The following C18orf54 variants were observed in gnomAD, a reference collection of about 807,000 sequenced individuals.
The protein encoded by C18orf54 is chromosome 18 open reading frame 54.
Under a neutral mutation model 49.3 loss-of-function variants are expected in C18orf54, and 49 were observed. The ratio of observed to expected loss-of-function variants is 0.99; its 90% confidence interval spans 0.79 to 1.26. C18orf54 has a LOEUF of 1.26. Among genes scored for constraint, C18orf54 ranks in the 50% most tolerant of loss-of-function variants. The pLI, the probability that C18orf54 is intolerant of heterozygous loss-of-function variation, is 0.00. For synonymous variants in C18orf54, 211 were observed against 216.6 expected, an observed-to-expected ratio of 0.97 and a Z score of 0.23; for missense variants, 687 against 620.6, an observed-to-expected ratio of 1.11 and a Z score of -1.14.
At chr18:54,362,503 G>C in intron 4 of C18orf54, 72 bp downstream of exon 4, 1 of 1,273,020 alleles carries the variant, frequency 7.9e-7, no homozygotes, top group Non-Finnish European at 1.0e-6. Context: ...CTGTAAAGTT[G>C]ATGTGATATC....
At chr18:54,358,353 G>A (rs1281911081) in intron 1 of C18orf54, among the ~76,000 whole-genome samples, 1 of 152,248 alleles carries the variant, frequency 6.6e-6, no homozygotes, top group African/African-American at 2.4e-5. Context: ...GCGGACCTGA[G>A]GCGGCGACAG....
intron 8 of C18orf54, 41 bp downstream of exon 8, chr18:54,374,325 C>T: frequency 6.6e-7 from 1 of 1,515,282 alleles, no homozygotes; most frequent in Non-Finnish European, 8.8e-7. Flanking sequence ...TCCATCTTAG[C>T]CATTTCTTTG....
At chr18:54,368,403 T>C (rs1214532587) in intron 6 of C18orf54, among the ~76,000 whole-genome samples, 1 of 152,132 alleles carries the variant, frequency 6.6e-6, no homozygotes, top group Non-Finnish European at 1.5e-5. Flanking sequence ...CAGTCACTTA[T>C]TTTGTAGAGG....
intron 6 of C18orf54, among the ~76,000 whole-genome samples, chr18:54,370,942 GT>G (rs35364198): frequency 0.2 from 29,058 of 143,836 alleles, 3,331 homozygotes; most frequent in East Asian, 0.29. Flanking sequence ...CTTTTACCCT[GT>G]TTTTTTTTTT....
rs1372875317 is a variant in C18orf54 at position 54,378,437 on chromosome 18, A to G, written c.*191A>G. On this transcript the variant is annotated 3_prime_UTR_variant, in exon 9 of 9. Coordinates refer to ENST00000620105, the MANE Select transcript of C18orf54 (RefSeq NM_001288980.2). ...TGGGACCTATCTTTATTTTGTGCCA[A>G]CATACTAGAATGTGAACTGCAAGGA... 4.4e-6 allele frequency: 2 copies of G among 458,108 alleles called. No homozygotes were observed. The highest frequency in any genetic ancestry group is 2.0e-5 in the African/African-American group (1 of 50,208). The allele number at this position is 458,108 out of a possible 1,614,324, so 28.4% of individuals were successfully genotyped here. A position where few individuals can be genotyped will look rare whatever the true frequency, so the allele number is the denominator to read the frequency against.
In C18orf54 at chr18:54,362,775, C is replaced by CA. The variant is rs1401276131; in HGVS notation, c.1081dup (p.Ile361AsnfsTer2). On this transcript the variant is annotated frameshift_variant, in exon 5 of 9. Transcript: ENST00000620105. LOFTEE classifies it high-confidence loss of function. ...ATAGTCATCTTTTACAATTAGGTGA[C>CA]AAAATTGAATTGCTTATCTTGAAGG... 3 of 1,602,098 alleles carry CA rather than the reference C, an allele frequency of 1.9e-6. No homozygotes were observed. In the African/African-American group the frequency reaches 4.0e-5, roughly 22 times the overall value.
chr18:54,367,411 G>T (rs190333034), intron 6 of C18orf54, among the ~76,000 whole-genome samples: 21 of 152,190 alleles, frequency 1.4e-4, no homozygotes, highest in African/African-American at 4.3e-4. Flanking sequence ...TGTAAGGCAG[G>T]TCTAGTAGTG....
At chr18:54,362,637 C>T (rs6508289) in intron 4 of C18orf54, 134 bp from the exon 5 acceptor site, 637,158 of 921,428 alleles carry the variant, frequency 0.69, 222,289 homozygotes, top group African/African-American at 0.86. Flanking sequence ...TGAAATGTCA[C>T]ATTTTAACAT....
At position 54,364,334 on chromosome 18, in the gene C18orf54, A is replaced by C. The variant is rs371216398; in HGVS notation, c.1224-1385A>C. 2.6e-4 allele frequency among the ~76,000 whole-genome samples: 39 copies of C among 152,218 alleles called. No individual in the cohort carries two copies. In the East Asian group the frequency reaches 6.0e-3, roughly 23 times the overall value. On this transcript the variant is annotated intron_variant, in intron 5 of 8. Transcript: ENST00000620105. ...GTATCAGAGGTGCTTAAAATTATTG[A>C]ATGCACTTAATGTATTTTATTATTT...
At chr18:54,367,078 A>G (rs547979901) in intron 6 of C18orf54, among the ~76,000 whole-genome samples, 11 of 152,204 alleles carry the variant, frequency 7.2e-5, no homozygotes, top group African/African-American at 2.4e-4. Context: ...TAGGCAACAT[A>G]TAGTTGGACA....
At chr18:54,372,911 C>G (rs771218210) in intron 7 of C18orf54, among the ~76,000 whole-genome samples, 6 of 151,856 alleles carry the variant, frequency 4.0e-5, no homozygotes, top group Admixed American at 2.0e-4. Flanking sequence ...CAAAATTAAT[C>G]TATGTGGCCC....
Position 54,378,194 on chromosome 18 carries a change from G to T in C18orf54, c.1550G>T (p.Arg517Leu), listed in dbSNP as rs146934571. ...SLQKALHHLSRLRDLVDDTNG... is the reference protein window; with the variant it reads ...SLQKALHHLSLLRDLVDDTNG... ...TGAAGGGCTTTGCACCATTTATCTCGCCTGAGAGACCTGGTTGATGATACG... is the reference window on the plus strand; with the variant it reads ...TGAAGGGCTTTGCACCATTTATCTCTCCTGAGAGACCTGGTTGATGATACG... Residue 517 changes from arginine (R) to leucine (L), a missense_variant, in exon 9 of 9, where the codon CGC becomes CTC. Physicochemically the swap from Arg to Leu is moderately radical, Grantham distance 102 (BLOSUM62 -2). Coordinates refer to ENST00000620105, the MANE Select transcript of C18orf54 (RefSeq NM_001288980.2). 3.7e-6 allele frequency: 6 copies of T among 1,612,848 alleles called. No homozygotes were observed. The highest frequency in any genetic ancestry group is 1.7e-5 in the Admixed American group (1 of 59,922).
chr18:54,362,338 G>A lies in C18orf54; in HGVS notation c.979G>A (p.Glu327Lys), dbSNP rs1047538663. ...NFSNSLSDDKELVNEYKCDFE... is the reference protein window; with the variant it reads ...NFSNSLSDDKKLVNEYKCDFE... The stretch of plus-strand genomic sequence containing the variant: ...TTCAAATTCCTTGAGTGATGATAAA[G>A]AATTAGTTAATGAATACAAATGTGA... Residue 327 changes from glutamate (E) to lysine (K), a missense_variant, in exon 4 of 9, where the codon GAA becomes AAA. Transcript: ENST00000620105. 6 of 1,535,826 alleles carry A rather than the reference G, an allele frequency of 3.9e-6. No homozygotes were observed. The African/African-American group carries it at 8.2e-5, about 21-fold the overall frequency.
Position 54,372,579 on chromosome 18 carries a change from A to G in C18orf54, c.1440A>G (p.Pro480=). The G allele has an allele frequency of 6.2e-7, 1 of 1,603,472 alleles. No individual in the cohort carries two copies. Among genetic ancestry groups the G allele is most frequent in the Non-Finnish European group, 8.5e-7 (1 of 1,175,038 alleles). The part of the protein sequence containing the change: ...ERFNQNKTTD[P]KEEIKQVSED... ...TTAATCAAAATAAGACCACAGATCC[A>G]AAAGAAGAGATTAAACAAGTAAGCA... is the stretch of plus-strand genomic sequence containing the variant. The change falls in exon 7 of 9, where the codon CCA becomes CCG. Residue 480 remains proline (P), a synonymous_variant. Coordinates refer to ENST00000620105, the MANE Select transcript of C18orf54 (RefSeq NM_001288980.2).
chr18:54,359,773 C>T (rs554236584), intron 2 of C18orf54, among the ~76,000 whole-genome samples: 120 of 152,230 alleles, frequency 7.9e-4, no homozygotes, highest in Admixed American at 1.2e-3. Context: ...CTGAGGTAGA[C>T]AGGGATTCTC....
rs751945039 is a variant in C18orf54 at position 54,378,176 on chromosome 18, C to T, written c.1532C>T (p.Ala511Val). ...GTGTTTTATACTTTTTAATGAAGGG[C>T]TTTGCACCATTTATCTCGCCTGAGA... ...MIPITRSLQK[A>V]LHHLSRLRDL... The change falls in exon 9 of 9, where the codon GCT becomes GTT. Residue 511 changes from alanine (A) to valine (V), a missense_variant and splice_region_variant. By Grantham distance (64) the Ala-to-Val change is moderately conservative (BLOSUM62 0). Coordinates refer to ENST00000620105, the MANE Select transcript of C18orf54 (RefSeq NM_001288980.2). 2.6e-5 allele frequency: 42 copies of T among 1,612,774 alleles called. No individual in the cohort carries two copies. The highest frequency in any genetic ancestry group is 3.5e-5 in the Non-Finnish European group (41 of 1,179,222).
chr18:54,364,239 C>T (rs1049271164), intron 5 of C18orf54, among the ~76,000 whole-genome samples: 1 of 151,672 alleles, frequency 6.6e-6, no homozygotes. Flanking sequence ...ATCACTTGTT[C>T]TGTGTATTAA....
Position 54,379,957 on chromosome 18 carries a change from C to G in C18orf54, c.*1711C>G, listed in dbSNP as rs2089639063. 6.6e-6 allele frequency: 1 copy of G among 152,100 alleles called. No homozygotes were observed. The highest frequency in any genetic ancestry group is 1.5e-5 in the Non-Finnish European group (1 of 67,930). 9.4% of individuals were successfully genotyped at this position (152,100 alleles called of 1,614,324 possible). On this transcript the variant is annotated 3_prime_UTR_variant, in exon 9 of 9. Coordinates refer to ENST00000620105, the MANE Select transcript of C18orf54 (RefSeq NM_001288980.2). The stretch of plus-strand genomic sequence containing the variant: ...ATCTCCAATACTAAATGAGATAAGC[C>G]TGTTCTAAAATCTTATAGCCAGTAT...
intron 6 of C18orf54, among the ~76,000 whole-genome samples, chr18:54,366,166 TA>T (rs1358649481): frequency 6.6e-6 from 1 of 151,840 alleles, no homozygotes; most frequent in African/African-American, 2.4e-5. Flanking sequence ...TATTTGGAAA[TA>T]TATAATAATT....
Sources: gnomAD v4.1 joint callset for allele counts (sites outside exome capture counted in the v4.1 genomes callset) on GRCh38, gnomAD v4.1.1 for gene constraint, MANE v1.5 for transcripts, NCBI Gene and HGNC (gene_info 2026-07-23, HGNC 2026-07-21) for gene names.